Variants in FAM53A observed in about 807,000 individuals in gnomAD.
FAM53A encodes family with sequence similarity 53 member A.
A neutral mutation model predicts 26.6 loss-of-function variants in FAM53A; 28 were observed. The ratio of observed to expected loss-of-function variants is 1.05; its 90% CI spans 0.78 to 1.45. The LOEUF (loss-of-function observed/expected upper bound fraction) is 1.45. Ranked by LOEUF, FAM53A falls within the 40% of genes most tolerant of loss-of-function variation. The probability of loss-of-function intolerance (pLI) is 0.00; values close to 1 mark genes in which losing one functional copy is unlikely to be tolerated. For missense variants in FAM53A, 650 were observed against 575.8 expected (o/e 1.13, Z -1.32); for synonymous variants, 290 against 253.1 (o/e 1.15, Z -1.38).
intron 4 of FAM53A, among the ~76,000 whole-genome samples, chr4:1,648,440 C>T (rs1258056655): frequency 6.6e-6 from 1 of 152,118 alleles, no homozygotes; most frequent in Non-Finnish European, 1.5e-5. Flanking sequence ...AGAGGGAGAG[C>T]AGGCAGCCCT....
At chr4:1,676,269 A>G (rs1475936) in intron 1 of FAM53A, among the ~76,000 whole-genome samples, 14,064 of 152,140 alleles carry the variant, frequency 0.092, 1,918 homozygotes, top group African/African-American at 0.3. Context: ...CGGCTCTGGC[A>G]TCACTCCAGT....
chr4:1,655,915 GCGGGGCTCGGCT>G (rs1713341792), intron 3 of FAM53A, among the ~76,000 whole-genome samples, 192 bp from the exon 4 acceptor site: 1 of 152,208 alleles, frequency 6.6e-6, no homozygotes, highest in Non-Finnish European at 1.5e-5. Context: ...TGGGTTAGCT[GCGGGGCTCGGCT>G]CACTTCTTAA....
At chr4:1,624,323 C>T (rs77288793) in intron 1 of FAM53A, among the ~76,000 whole-genome samples, 1,525 of 152,312 alleles carry the variant, frequency 0.01, 24 homozygotes, top group African/African-American at 0.034. Flanking sequence ...AGGTCAGGCG[C>T]TGTGTCAAGG....
At chr4:1,673,992 G>A (rs1323095939) in intron 1 of FAM53A, among the ~76,000 whole-genome samples, 1 of 152,252 alleles carries the variant, frequency 6.6e-6, no homozygotes, top group Non-Finnish European at 1.5e-5. Flanking sequence ...CGTTAGTCAG[G>A]TCATCACCGA....
chr4:1,582,111 A>G, the FAM53A span, among the ~76,000 whole-genome samples: 1 of 152,238 alleles, frequency 6.6e-6, no homozygotes, highest in African/African-American at 2.4e-5. Flanking sequence ...AAGGCAGCAC[A>G]TGGCAAACAG....
chr4:1,652,246 C>T (rs1393032634), intron 4 of FAM53A, among the ~76,000 whole-genome samples: 1 of 147,252 alleles, frequency 6.8e-6, no homozygotes, highest in Non-Finnish European at 1.5e-5. Flanking sequence ...ACACACACCA[C>T]ACACACCACA....
rs553340797 is a variant in FAM53A at position 1,659,335 on chromosome 4, G to A, written c.76-1867C>T. ...TTGCTGTCGATCCTCCCAGCCCCGG[G>A]CCTCCCCGCAGCAAGCACCAGGACC... is the stretch of plus-strand genomic sequence containing the variant. On this transcript the variant is annotated intron_variant, in intron 2 of 4. Coordinates refer to ENST00000308132, the MANE Select transcript of FAM53A (RefSeq NM_001174070.3). This position sits in a 1 kb window ranked among gnomAD's most constrained non-coding sequence, Gnocchi z 5.2. Among the ~76,000 whole-genome samples the A allele has an allele frequency of 2.0e-5, 3 of 152,352 alleles. No individual in the cohort carries two copies. The South Asian group carries it at 6.2e-4, about 32-fold the overall frequency.
intron 4 of FAM53A, among the ~76,000 whole-genome samples, chr4:1,642,850 G>A (rs750060340): frequency 7.2e-5 from 11 of 152,208 alleles, no homozygotes; most frequent in South Asian, 2.1e-4. Context: ...GGCTTCAGAC[G>A]CCTCACCTCG....
the FAM53A span, among the ~76,000 whole-genome samples, chr4:1,579,399 G>C: frequency 6.6e-6 from 1 of 151,886 alleles, no homozygotes; most frequent in Non-Finnish European, 1.5e-5. Flanking sequence ...GGACCGGCAT[G>C]TCAAGCCCCT....
At chr4:1,624,856 T>C (rs1399024016) in intron 1 of FAM53A, among the ~76,000 whole-genome samples, 2 of 150,724 alleles carry the variant, frequency 1.3e-5, no homozygotes, top group Admixed American at 6.6e-5. Flanking sequence ...CATCAGAAGG[T>C]CCTATGTCCC....
intron 4 of FAM53A, among the ~76,000 whole-genome samples, chr4:1,645,142 G>A (rs1255550380): frequency 6.6e-6 from 1 of 152,210 alleles, no homozygotes; most frequent in Non-Finnish European, 1.5e-5. Flanking sequence ...GCGCAGCACA[G>A]TGCATGTTGA....
At position 1,659,397 on chromosome 4, in the gene FAM53A, G is replaced by A. The variant is rs935891106; in HGVS notation, c.76-1929C>T. On this transcript the variant is annotated intron_variant, in intron 2 of 4. Transcript: ENST00000308132. The surrounding 1 kb of genome is among the most constrained non-coding windows in gnomAD (Gnocchi z 5.2). ...CTGTTCCGCACAGCACCCGTTCCCC[G>A]GGGCCACATGAACAGCACCCAGCTC... 1.3e-4 allele frequency among the ~76,000 whole-genome samples: 20 copies of A among 152,230 alleles called. No individual in the cohort carries two copies. The highest frequency in any genetic ancestry group is 2.6e-4 in the Non-Finnish European group (18 of 68,044).
chr4:1,631,648 A>G (rs889027642), intron 1 of FAM53A, among the ~76,000 whole-genome samples: 1 of 152,090 alleles, frequency 6.6e-6, no homozygotes. Flanking sequence ...AGACTGAGGC[A>G]CCCTACAGAA....
At chr4:1,681,229 G>A (rs536662848) in intron 1 of FAM53A, among the ~76,000 whole-genome samples, 56 of 151,300 alleles carry the variant, frequency 3.7e-4, no homozygotes, top group Middle Eastern at 3.5e-3. Flanking sequence ...CCCAAGTAGC[G>A]GGGATTGCAG....
the FAM53A span, among the ~76,000 whole-genome samples, chr4:1,576,686 CG>C: frequency 6.6e-6 from 1 of 152,178 alleles, no homozygotes; most frequent in Middle Eastern, 3.2e-3. Flanking sequence ...GTGGGCAGGC[CG>C]GGGACGCCGC....
At chr4:1,664,375 C>T (rs371789357) in intron 2 of FAM53A, among the ~76,000 whole-genome samples, 14 of 152,236 alleles carry the variant, frequency 9.2e-5, no homozygotes, top group East Asian at 7.7e-4. Flanking sequence ...GAGGCCGGGC[C>T]ATGGGTATGT....
rs577158513 is a variant in FAM53A, at chr4:1,632,245, G to A, written c.432-14134C>T. 8.3e-4 allele frequency among the ~76,000 whole-genome samples: 126 copies of A among 151,910 alleles called. 2 individuals carry two copies. Among genetic ancestry groups the A allele is most frequent in the African/African-American group, 2.8e-3 (115 of 41,398 alleles). Reference sequence around the variant, plus strand: ...AGGGTTAAATAAGGTCACACGAGTCGGTCCTAATCTAATCTGACCTGTGTC... The same window carrying A: ...AGGGTTAAATAAGGTCACACGAGTCAGTCCTAATCTAATCTGACCTGTGTC... On this transcript the variant is annotated intron_variant, in intron 1 of 1. Coordinates refer to the FAM53A transcript ENST00000489029.
the FAM53A span, among the ~76,000 whole-genome samples, chr4:1,602,105 G>T: frequency 6.6e-6 from 1 of 152,202 alleles, no homozygotes; most frequent in African/African-American, 2.4e-5. Flanking sequence ...TCATGGTGGT[G>T]CCGGCGGCTA....
downstream of FAM53A, among the ~76,000 whole-genome samples, chr4:1,638,745 C>A (rs1038532233): frequency 8.0e-5 from 12 of 149,172 alleles, no homozygotes; most frequent in African/African-American, 2.8e-4. Flanking sequence ...TCCCACACAC[C>A]CAGGCCAGGC....
Sources: allele counts gnomAD v4.1 joint callset (sites outside exome capture counted in the v4.1 genomes callset), GRCh38; gene constraint gnomAD v4.1.1; non-coding constraint Gnocchi (gnomAD v3.1); transcripts MANE v1.5; gene names NCBI Gene and HGNC (gene_info 2026-07-23, HGNC 2026-07-21).